Variants in VPS53 observed in about 807,000 individuals in gnomAD.
The protein encoded by VPS53 is vacuolar protein sorting-associated protein 53 homolog.
Under a neutral mutation model 107.0 loss-of-function variants are expected in VPS53, and 70 were observed. The ratio of observed to expected loss-of-function variants is 0.65; its 90% CI spans 0.54 to 0.80. The LOEUF (loss-of-function observed/expected upper bound fraction) is 0.80. Ranked by LOEUF, VPS53 falls within the 30% of genes least tolerant of loss-of-function variation. The pLI is 0.00. For synonymous variants in VPS53, 409 were observed against 393.3 expected, an observed-to-expected ratio of 1.04 and a Z score of -0.47; for missense variants, 917 against 1,049.4, an observed-to-expected ratio of 0.87 and a Z score of 1.74.
In VPS53 at chr17:562,665, C is replaced by T. The variant is rs753464621; in HGVS notation, c.1394G>A (p.Gly465Asp). 5.0e-6 allele frequency: 8 copies of T among 1,613,700 alleles called. No individual in the cohort carries two copies. In the South Asian group the frequency reaches 6.6e-5, roughly 13 times the overall value. ...GPPKPNTDEG[G>D]AVLPSCADLF... ...GTCGGCGCAGCTGGGGAGCACGGCA[C>T]CCCCTTCATCAGTGTTGGGCTTAGG... The change falls in exon 14 of 22, where the codon GGT becomes GAT. Residue 465 changes from glycine (G) to aspartate (D), a missense_variant. Coordinates refer to ENST00000437048, the MANE Select transcript of VPS53 (RefSeq NM_001128159.3).
At chr17:610,921 G>C (rs1405147937) in intron 11 of VPS53, among the ~76,000 whole-genome samples, 1 of 149,440 alleles carries the variant, frequency 6.7e-6, no homozygotes, top group Non-Finnish European at 1.5e-5. Context: ...CTGGGCAACA[G>C]AGTGAGACTC....
chr17:540,010 G>A (rs1482751424), intron 17 of VPS53, among the ~76,000 whole-genome samples: 2 of 151,786 alleles, frequency 1.3e-5, no homozygotes, highest in African/African-American at 4.8e-5. Context: ...AGCCCAACCA[G>A]GTCTATCTAA....
chr17:542,383 C>A (rs539868175), intron 17 of VPS53, among the ~76,000 whole-genome samples: 4 of 152,298 alleles, frequency 2.6e-5, no homozygotes, highest in African/African-American at 7.2e-5. Flanking sequence ...ACTGTGCAAC[C>A]TTCTAAAGGG....
chr17:667,304 C>CT (rs35807091), intron 4 of VPS53, among the ~76,000 whole-genome samples: 72,393 of 150,358 alleles, frequency 0.48, 19,179 homozygotes, highest in South Asian at 0.62. Context: ...CTGGTATAGA[C>CT]TTTTTTTTTC....
At chr17:619,317 G>GCACCACCACACCC (rs1969340187) in intron 11 of VPS53, among the ~76,000 whole-genome samples, 1 of 134,726 alleles carries the variant, frequency 7.4e-6, no homozygotes, top group African/African-American at 2.8e-5. Flanking sequence ...GACTACAGGC[G>GCACCACCACACCC]CGCACCACCA....
chr17:691,532 C>G (rs1188065883), intron 4 of VPS53, among the ~76,000 whole-genome samples: 1 of 152,212 alleles, frequency 6.6e-6, no homozygotes, highest in African/African-American at 2.4e-5. Context: ...TCCTTATCAG[C>G]AGTTCACTTT....
At chr17:540,555 C>G (rs142538293) in intron 17 of VPS53, 1 of 152,122 alleles carries the variant, frequency 6.6e-6, no homozygotes, top group Non-Finnish European at 1.5e-5. Context: ...ATTGGAAGAA[C>G]AAACATCATG....
At chr17:534,571 G>A (rs1394765946) in intron 18 of VPS53, among the ~76,000 whole-genome samples, 1 of 152,156 alleles carries the variant, frequency 6.6e-6, no homozygotes, top group Non-Finnish European at 1.5e-5. Flanking sequence ...CTGAACTCAT[G>A]ACCAATGGCA....
At chr17:624,127 G>A (rs931224179) in intron 10 of VPS53, among the ~76,000 whole-genome samples, 4 of 151,880 alleles carry the variant, frequency 2.6e-5, no homozygotes, top group Non-Finnish European at 4.4e-5. Context: ...CAAAGTGCTG[G>A]GATTATAGGT....
intron 4 of VPS53, among the ~76,000 whole-genome samples, chr17:697,156 C>T (rs1973001038): frequency 6.6e-6 from 1 of 152,172 alleles, no homozygotes; most frequent in African/African-American, 2.4e-5. Context: ...ACAAGAGATG[C>T]CCGACACGAA....
In VPS53 at chr17:519,001, C is replaced by CCCACATGTCCCAG; in HGVS notation, c.*114_*126dup. On this transcript the variant is annotated 3_prime_UTR_variant, in exon 22 of 22. Transcript: ENST00000437048. The surrounding 1 kb of genome is among the most constrained non-coding windows in gnomAD (Gnocchi z 5.0). ...GGGCATGGGAGAGACTCAGTAACAA[C>CCCACATGTCCCAG]CCACATGTCCCAGGAAGTTTGAAGA... 9.5e-7 allele frequency: 1 copy of CCCACATGTCCCAG among 1,055,236 alleles called. No homozygotes were observed. The highest frequency in any genetic ancestry group is 1.3e-6 in the Non-Finnish European group (1 of 755,086). 65.4% of individuals were successfully genotyped at this position (1,055,236 alleles called of 1,614,324 possible).
intron 12 of VPS53, among the ~76,000 whole-genome samples, chr17:589,221 T>A (rs1026745124): frequency 2.4e-4 from 37 of 152,178 alleles, no homozygotes; most frequent in East Asian, 7.7e-4. Flanking sequence ...GCTTTTTTTT[T>A]AAATTTTGAA....
intron 7 of VPS53, among the ~76,000 whole-genome samples, chr17:652,937 A>T (rs1306262146): frequency 6.6e-6 from 1 of 152,226 alleles, no homozygotes; most frequent in African/African-American, 2.4e-5. Flanking sequence ...ATATTCCTTC[A>T]CACACTAAGA....
intron 15 of VPS53, among the ~76,000 whole-genome samples, chr17:554,120 A>G (rs1387984761): frequency 6.6e-6 from 1 of 152,180 alleles, no homozygotes; most frequent in Non-Finnish European, 1.5e-5. Flanking sequence ...GCCCACCCAC[A>G]ATGGAAACCT....
rs538381764 is a variant in VPS53 at position 640,486 on chromosome 17, G to A, written c.609-8858C>T. ...AATGCAGAAATCACCCGTCTTCTGC[G>A]TCGTTCAAGCTGGGAGCTGTAGACT... On this transcript the variant is annotated intron_variant, in intron 7 of 21. Transcript: ENST00000437048. Among the ~76,000 whole-genome samples, 38 of 152,182 alleles carry A rather than the reference G, an allele frequency of 2.5e-4. 2 individuals are homozygous for A. Among genetic ancestry groups the A allele is most frequent in the Admixed American group, 1.8e-3 (27 of 15,276 alleles).
Position 510,938 on chromosome 17 carries a change from A to T in VPS53, c.*8190T>A, listed in dbSNP as rs1331377565. On this transcript the variant is annotated 3_prime_UTR_variant, in exon 22 of 22. Transcript: ENST00000437048. The stretch of plus-strand genomic sequence containing the variant: ...AGGCTGTGGGGGACTCTGTGTGTAA[A>T]CTGATGTTTCTTTGTATAGCATTTG... 1 of 152,264 alleles carries T rather than the reference A, an allele frequency of 6.6e-6. No homozygotes were observed. The highest frequency in any genetic ancestry group is 1.5e-5 in the Non-Finnish European group (1 of 68,060). The allele number at this position is 152,264 out of a possible 1,614,324, so 9.4% of individuals were successfully genotyped here. A position where few individuals can be genotyped will look rare whatever the true frequency, so the allele number is the denominator to read the frequency against.
chr17:554,336 A>C (rs1912141317), intron 15 of VPS53, among the ~76,000 whole-genome samples: 1 of 152,228 alleles, frequency 6.6e-6, no homozygotes, highest in African/African-American at 2.4e-5. Flanking sequence ...AAATACTTGG[A>C]GATATCCCTG....
At chr17:657,130 G>C (rs773255247) in intron 5 of VPS53, 62 of 1,286,220 alleles carry the variant, frequency 4.8e-5, no homozygotes, top group Non-Finnish European at 6.5e-5. Context: ...CCTTGATGAG[G>C]GGTCAGGGTA....
chr17:649,706 C>T (rs372291918), intron 7 of VPS53, among the ~76,000 whole-genome samples: 1 of 100,498 alleles, frequency 1.0e-5, no homozygotes, highest in African/African-American at 3.8e-5. Flanking sequence ...GAATGGAACA[C>T]GCACTGAAGA....
Sources: gnomAD v4.1 joint callset for allele counts (sites outside exome capture counted in the v4.1 genomes callset) on GRCh38, gnomAD v4.1.1 for gene constraint, Gnocchi (gnomAD v3.1) non-coding constraint, MANE v1.5 for transcripts, NCBI Gene and HGNC (gene_info 2026-07-23, HGNC 2026-07-21) for gene names.